EVC2: variants seen among roughly 807,000 people sequenced by gnomAD.
EVC2 encodes the protein limbin.
A neutral mutation model predicts 149.3 loss-of-function variants in EVC2; 148 were observed. The ratio of observed to expected loss-of-function variants is 0.99; its 90% CI spans 0.87 to 1.14. The LOEUF is 1.14. Among genes scored for constraint, EVC2 ranks in the 50% most tolerant of loss-of-function variants. The pLI is 0.00. For synonymous variants in EVC2, 776 were observed against 649.9 expected (o/e 1.19, Z -2.95); for missense variants, 1,854 against 1,627.3 (o/e 1.14, Z -2.40).
At chr4:5,568,359 A>G in intron 20 of EVC2, 85 bp downstream of exon 20, 1 of 1,335,638 alleles carries the variant, frequency 7.5e-7, no homozygotes, top group Non-Finnish European at 1.0e-6. Context: ...GACAAAATAC[A>G]TGGGCCTCCC....
Position 5,569,362 on chromosome 4 carries a change from A to G in EVC2, c.3361-722T>C, listed in dbSNP as rs986263620. The stretch of plus-strand genomic sequence containing the variant: ...GCATAGGATAAAATGACAGAGAACT[A>G]TACGTACATTTTATATCGATGTCAA... On this transcript the variant is annotated intron_variant, in intron 19 of 21. Coordinates refer to ENST00000344408, the MANE Select transcript of EVC2 (RefSeq NM_147127.5). The surrounding 1 kb of genome is among the most constrained non-coding windows in gnomAD (Gnocchi z 4.8). Among the ~76,000 whole-genome samples the G allele has an allele frequency of 3.3e-5, 5 of 152,234 alleles. No individual in the cohort carries two copies. The highest frequency in any genetic ancestry group is 9.6e-5 in the African/African-American group (4 of 41,458).
rs114730430 is a variant in EVC2 at position 5,566,606 on chromosome 4, C to G, written c.3558-1247G>C. On this transcript the variant is annotated intron_variant, in intron 20 of 21. Coordinates refer to ENST00000344408, the MANE Select transcript of EVC2 (RefSeq NM_147127.5). ...GCTGGGGACACAAGAATAGTGCATG[C>G]CCTGCCCTCAGAGATTGGGTTAGTG... 9.4e-3 allele frequency among the ~76,000 whole-genome samples: 1,431 copies of G among 152,330 alleles called. 22 individuals are homozygous for G. Among genetic ancestry groups the G allele is most frequent in the African/African-American group, 0.033 (1,373 of 41,566 alleles).
intron 9 of EVC2, among the ~76,000 whole-genome samples, chr4:5,656,704 G>T (rs1483098189): frequency 6.6e-6 from 1 of 152,182 alleles, no homozygotes; most frequent in African/African-American, 2.4e-5. Flanking sequence ...AACCCTCCCA[G>T]AGCCTTTGAA....
At chr4:5,709,364 C>T (rs142200247), upstream of EVC2, 1,136 of 152,316 alleles carry the variant, frequency 7.5e-3, 6 homozygotes, top group Middle Eastern at 0.017. Context: ...CACCTGTTGA[C>T]GGGGGAGGGC....
chr4:5,627,902 A>G (rs6811176), intron 12 of EVC2, among the ~76,000 whole-genome samples: 7,775 of 152,166 alleles, frequency 0.051, 647 homozygotes, highest in African/African-American at 0.18. Context: ...TGATTTCTCC[A>G]GAATATGTTG....
intron 16 of EVC2, among the ~76,000 whole-genome samples, chr4:5,585,987 G>C (rs941356244): frequency 2.4e-4 from 36 of 152,054 alleles, no homozygotes; most frequent in African/African-American, 7.5e-4. Context: ...TCAGCCTTCT[G>C]AGTAGCTGGG....
intron 3 of EVC2, among the ~76,000 whole-genome samples, chr4:5,692,221 C>T (rs1055813648): frequency 4.6e-5 from 7 of 152,020 alleles, no homozygotes; most frequent in African/African-American, 1.7e-4. Flanking sequence ...AGAGATGGGG[C>T]CTTGCTATGT....
chr4:5,537,005 A>G, the EVC2 span, among the ~76,000 whole-genome samples: 1 of 152,214 alleles, frequency 6.6e-6, no homozygotes, highest in East Asian at 1.9e-4. Flanking sequence ...CATAGTAATA[A>G]GGACCGGATT....
At chr4:5,566,820 G>T (rs958469379) in intron 20 of EVC2, among the ~76,000 whole-genome samples, 1 of 152,016 alleles carries the variant, frequency 6.6e-6, no homozygotes, top group African/African-American at 2.4e-5. Context: ...GGTCCACAGG[G>T]GTGGTAGGCA....
At chr4:5,694,862 C>T (rs1721369670) in intron 2 of EVC2, among the ~76,000 whole-genome samples, 1 of 152,176 alleles carries the variant, frequency 6.6e-6, no homozygotes, top group Non-Finnish European at 1.5e-5. Context: ...GCTGTGAGTC[C>T]TTGGGCATAA....
At chr4:5,659,593 A>G (rs1013925183) in intron 9 of EVC2, among the ~76,000 whole-genome samples, 3 of 152,140 alleles carry the variant, frequency 2.0e-5, no homozygotes, top group Non-Finnish European at 4.4e-5. Context: ...AATCAATGCT[A>G]AACACTCTTC....
At position 5,625,840 on chromosome 4, in the gene EVC2, A is replaced by C; in HGVS notation, c.1955T>G (p.Ile652Ser). The change falls in exon 13 of 22, where the codon ATC becomes AGC. Residue 652 changes from isoleucine to serine, a missense_variant. Ile to Ser is a moderately radical substitution (Grantham distance 142, BLOSUM62 -2). Transcript: ENST00000344408. This position sits in a 1 kb window ranked among gnomAD's most constrained non-coding sequence, Gnocchi z 4.0. ...LERAQTEVFSIKQKLDNDLKQ... is the reference protein window; with the variant it reads ...LERAQTEVFSSKQKLDNDLKQ... The stretch of plus-strand genomic sequence containing the variant: ...TAAGTCATTGTCCAACTTCTGCTTG[A>C]TTGAAAAGACTTCTGTCTGAGCCCG... 1 of 1,613,956 alleles carries C rather than the reference A, an allele frequency of 6.2e-7. No individual in the cohort carries two copies. The highest frequency in any genetic ancestry group is 8.5e-7 in the Non-Finnish European group (1 of 1,179,978).
intron 16 of EVC2, among the ~76,000 whole-genome samples, chr4:5,599,790 T>C (rs572480377): frequency 2.6e-5 from 4 of 152,286 alleles, no homozygotes; most frequent in Admixed American, 2.6e-4. Flanking sequence ...GTCTAATCCA[T>C]GTTCTGCTGA....
At chr4:5,604,916 T>C (rs6446383) in intron 16 of EVC2, among the ~76,000 whole-genome samples, 151,239 of 151,510 alleles carry the variant, frequency 1, 75,486 homozygotes, top group Middle Eastern at 1. Flanking sequence ...CCACCTCTGC[T>C]ACCCCCGAGA....
downstream of EVC2, among the ~76,000 whole-genome samples, chr4:5,539,522 C>A (rs950475596): frequency 3.9e-5 from 6 of 152,122 alleles, no homozygotes; most frequent in East Asian, 1.2e-3. Flanking sequence ...TCTAACACAA[C>A]CTGATTTAAG....
chr4:5,585,262 T>C (rs942389880), intron 16 of EVC2, among the ~76,000 whole-genome samples: 7 of 152,172 alleles, frequency 4.6e-5, no homozygotes, highest in Non-Finnish European at 4.4e-5. Flanking sequence ...CACTCACACA[T>C]GCACAACTGG....
intron 8 of EVC2, among the ~76,000 whole-genome samples, chr4:5,665,278 G>A (rs745973197): frequency 2.0e-5 from 3 of 152,062 alleles, no homozygotes; most frequent in African/African-American, 7.2e-5. Flanking sequence ...CCTAGGAATC[G>A]CCACTGGACT....
chr4:5,666,342 C>T (rs915503784), intron 7 of EVC2, among the ~76,000 whole-genome samples: 1 of 152,126 alleles, frequency 6.6e-6, no homozygotes, highest in South Asian at 2.1e-4. Context: ...TTGCTCACTG[C>T]AGAGTAAAGT....
At chr4:5,549,483 T>G (rs970637491) in intron 21 of EVC2, among the ~76,000 whole-genome samples, 2 of 152,232 alleles carry the variant, frequency 1.3e-5, no homozygotes, top group African/African-American at 4.8e-5. Flanking sequence ...ATTTTCTTCA[T>G]AGTGATTTAA....
Sources: allele counts gnomAD v4.1 joint callset (sites outside exome capture counted in the v4.1 genomes callset), GRCh38; gene constraint gnomAD v4.1.1; non-coding constraint Gnocchi (gnomAD v3.1); transcripts MANE v1.5; gene names NCBI Gene and HGNC (gene_info 2026-07-23, HGNC 2026-07-21).